The following GPC5 variants were observed in gnomAD, a reference collection of about 807,000 sequenced individuals.
GPC5 encodes glypican-5.
GPC5 carries 47 observed loss-of-function variants against 53.9 expected under a neutral mutation model. That is an observed-to-expected ratio of 0.87 (90% CI 0.69 to 1.11). The LOEUF (loss-of-function observed/expected upper bound fraction) is 1.11. GPC5 is among the 50% of genes most tolerant of loss of function. The probability of loss-of-function intolerance (pLI) is 0.00; values close to 1 mark genes in which losing one functional copy is unlikely to be tolerated. For synonymous variants in GPC5, 286 were observed against 263.3 expected (o/e 1.09, Z -0.84); for missense variants, 748 against 713.1 (o/e 1.05, Z -0.56).
chr13:92,854,690 C>G (rs1431126602), intron 7 of GPC5, among the ~76,000 whole-genome samples: 1 of 151,938 alleles, frequency 6.6e-6, no homozygotes, highest in African/African-American at 2.4e-5. Flanking sequence ...TTCACCGTAG[C>G]CTGGCAAATC....
intron 2 of GPC5, among the ~76,000 whole-genome samples, chr13:91,589,240 T>G (rs544013082): frequency 6.6e-6 from 1 of 152,170 alleles, no homozygotes; most frequent in Admixed American, 6.6e-5. Flanking sequence ...AAAAACTACC[T>G]TTGACTCTCA....
chr13:92,344,894 T>G (rs1277354209), intron 7 of GPC5, among the ~76,000 whole-genome samples: 1 of 152,196 alleles, frequency 6.6e-6, no homozygotes, highest in Non-Finnish European at 1.5e-5. Context: ...ATTAGCTGAC[T>G]GATTATATGA....
intron 7 of GPC5, among the ~76,000 whole-genome samples, chr13:92,702,416 C>A (rs1348983854): frequency 2.6e-5 from 4 of 152,096 alleles, no homozygotes; most frequent in Admixed American, 6.6e-5. Context: ...GCCCCCTCCC[C>A]AAAGCTCTGC....
chr13:92,823,103 A>G (rs975681406), intron 7 of GPC5, among the ~76,000 whole-genome samples: 20 of 152,126 alleles, frequency 1.3e-4, no homozygotes, highest in South Asian at 8.3e-4. Context: ...GGAAATAACT[A>G]TATTTTTTCA....
chr13:92,069,228 ATCTC>A (rs1487123008), intron 6 of GPC5, among the ~76,000 whole-genome samples: 2 of 152,208 alleles, frequency 1.3e-5, no homozygotes, highest in South Asian at 2.1e-4. Flanking sequence ...TTATATGTCT[ATCTC>A]TATGCTAAAA....
chr13:91,847,154 G>T (rs1243879819), intron 5 of GPC5, among the ~76,000 whole-genome samples: 1 of 147,904 alleles, frequency 6.8e-6, no homozygotes, highest in South Asian at 2.1e-4. Context: ...AGGCGGCGGA[G>T]CTTGCAGTGA....
chr13:91,751,597 C>T (rs2037178126), intron 4 of GPC5, among the ~76,000 whole-genome samples: 1 of 152,182 alleles, frequency 6.6e-6, no homozygotes, highest in South Asian at 2.1e-4. Context: ...CTAGAAGGAG[C>T]ATACATAAAT....
At chr13:92,029,582 G>A (rs200368374) in intron 6 of GPC5, among the ~76,000 whole-genome samples, 1 of 152,170 alleles carries the variant, frequency 6.6e-6, no homozygotes, top group Admixed American at 6.5e-5. Context: ...AGCTTTTGAT[G>A]GGTAAACTCT....
At chr13:92,770,422 A>AC (rs1197952374) in intron 7 of GPC5, among the ~76,000 whole-genome samples, 1 of 151,368 alleles carries the variant, frequency 6.6e-6, no homozygotes, top group Non-Finnish European at 1.5e-5. Flanking sequence ...CTCAAAAAAA[A>AC]AAAAAAAAAA....
At chr13:92,795,911 G>A (rs1341291549) in intron 7 of GPC5, among the ~76,000 whole-genome samples, 4 of 152,114 alleles carry the variant, frequency 2.6e-5, no homozygotes, top group Admixed American at 6.6e-5. Flanking sequence ...TACACTGTTG[G>A]TGGGACTGTA....
At chr13:92,573,850 C>A (rs1283698667) in intron 7 of GPC5, among the ~76,000 whole-genome samples, 1 of 152,172 alleles carries the variant, frequency 6.6e-6, no homozygotes, top group Non-Finnish European at 1.5e-5. Flanking sequence ...TGTCTTCATA[C>A]CTGCCCAGTT....
chr13:92,006,449 A>G (rs865916791), intron 6 of GPC5, among the ~76,000 whole-genome samples: 39 of 152,298 alleles, frequency 2.6e-4, no homozygotes, highest in Middle Eastern at 3.4e-3. Flanking sequence ...GTGTGTTTTA[A>G]AAAAGTAAAT....
intron 7 of GPC5, among the ~76,000 whole-genome samples, chr13:92,295,905 G>A (rs9589485): frequency 0.011 from 1,634 of 152,200 alleles, 43 homozygotes; most frequent in African/African-American, 0.037. Context: ...ATTCTTACTC[G>A]TTCTGCAATT....
chr13:92,083,437 G>T (rs957684261), intron 6 of GPC5, among the ~76,000 whole-genome samples: 3 of 151,940 alleles, frequency 2.0e-5, no homozygotes, highest in African/African-American at 7.2e-5. Flanking sequence ...AGAGTCAGGA[G>T]GTGATTAAAA....
At chr13:92,863,755 A>G (rs1879256050) in intron 7 of GPC5, among the ~76,000 whole-genome samples, 1 of 152,084 alleles carries the variant, frequency 6.6e-6, no homozygotes, top group African/African-American at 2.4e-5. Flanking sequence ...AGCCTCCCAA[A>G]GTGCTGAGAT....
At chr13:92,445,666 T>A (rs1037121061) in intron 7 of GPC5, among the ~76,000 whole-genome samples, 2 of 151,806 alleles carry the variant, frequency 1.3e-5, no homozygotes, top group Non-Finnish European at 2.9e-5. Flanking sequence ...TATGGCTGCA[T>A]AGTATTCCAT....
intron 7 of GPC5, among the ~76,000 whole-genome samples, chr13:92,807,521 G>A (rs991028918): frequency 9.2e-5 from 14 of 152,124 alleles, no homozygotes; most frequent in South Asian, 8.3e-4. Context: ...TATTCTTCTG[G>A]TATTTGTTGG....
At chr13:91,622,117 A>G (rs1318873253) in intron 2 of GPC5, among the ~76,000 whole-genome samples, 3 of 152,058 alleles carry the variant, frequency 2.0e-5, no homozygotes, top group Non-Finnish European at 4.4e-5. Context: ...CCACCCTGGC[A>G]ACTGATTAGA....
At chr13:92,422,111 T>C (rs1343662572) in intron 7 of GPC5, among the ~76,000 whole-genome samples, 1 of 146,190 alleles carries the variant, frequency 6.8e-6, no homozygotes, top group Non-Finnish European at 1.5e-5. Flanking sequence ...TTAATATTAT[T>C]CCCAAACAAA....
Sources: allele counts gnomAD v4.1 joint callset (sites outside exome capture counted in the v4.1 genomes callset), GRCh38; gene constraint gnomAD v4.1.1; transcripts MANE v1.5; gene names NCBI Gene and HGNC (gene_info 2026-07-23, HGNC 2026-07-21).